Variants in AGMO observed in about 807,000 individuals in gnomAD.
AGMO encodes alkylglycerol monooxygenase, also known as glyceryl-ether monooxygenase.
In AGMO, 75 loss-of-function variants were observed where a neutral mutation model predicts 60.2. The ratio of observed to expected loss-of-function variants is 1.25; its 90% confidence interval spans 1.03 to 1.51. The LOEUF (loss-of-function observed/expected upper bound fraction) is 1.51, where lower values mean the gene tolerates loss of function less well. Ranked by LOEUF, AGMO falls within the 40% of genes most tolerant of loss-of-function variation. The pLI is 0.00. For missense variants in AGMO, 763 were observed against 525.5 expected (o/e 1.45, Z -4.42); for synonymous variants, 261 against 177.1 (o/e 1.47, Z -3.76).
At chr7:15,158,015 A>C in the AGMO span, among the ~76,000 whole-genome samples, 1 of 152,202 alleles carries the variant, frequency 6.6e-6, no homozygotes, top group African/African-American at 2.4e-5. Flanking sequence ...TCTAGGCACT[A>C]TTATATTCAA....
intron 10 of AGMO, among the ~76,000 whole-genome samples, chr7:15,382,137 CA>C (rs1562474000): frequency 6.6e-6 from 1 of 152,062 alleles, no homozygotes; most frequent in Non-Finnish European, 1.5e-5. Context: ...ACCTATGTAA[CA>C]AAACTGCACA....
intron 12 of AGMO, among the ~76,000 whole-genome samples, chr7:15,259,322 A>T (rs552858110): frequency 6.6e-6 from 1 of 152,120 alleles, no homozygotes; most frequent in South Asian, 2.1e-4. Context: ...GAGCTTGAAG[A>T]CAAGGCTTTT....
chr7:15,509,825 C>A (rs1202691192), intron 3 of AGMO, among the ~76,000 whole-genome samples: 1 of 151,958 alleles, frequency 6.6e-6, no homozygotes, highest in Admixed American at 6.6e-5. Context: ...CTCAACATTA[C>A]TAATCATCAG....
chr7:15,337,810 C>T (rs1781710877), intron 12 of AGMO, among the ~76,000 whole-genome samples: 1 of 152,214 alleles, frequency 6.6e-6, no homozygotes, highest in South Asian at 2.1e-4. Context: ...AGATTGCTAA[C>T]GCTTTTAACC....
intron 12 of AGMO, among the ~76,000 whole-genome samples, chr7:15,335,897 T>A (rs936986208): frequency 1.3e-5 from 2 of 152,248 alleles, no homozygotes; most frequent in Non-Finnish European, 1.5e-5. Flanking sequence ...CTAAACCAAA[T>A]GTAGGGATTT....
chr7:15,169,738 C>T, the AGMO span, among the ~76,000 whole-genome samples: 60,046 of 152,054 alleles, frequency 0.39, 12,657 homozygotes, highest in East Asian at 0.71. Context: ...CACTGGCCAA[C>T]TGGTGTCTTT....
intron 3 of AGMO, among the ~76,000 whole-genome samples, chr7:15,438,442 T>C (rs954432974): frequency 2.6e-5 from 4 of 152,216 alleles, no homozygotes; most frequent in African/African-American, 9.6e-5. Context: ...ATTTAATAAC[T>C]TACATAAAGT....
chr7:15,197,898 CAG>C (rs1291084414), downstream of AGMO, among the ~76,000 whole-genome samples: 2 of 152,094 alleles, frequency 1.3e-5, no homozygotes, highest in East Asian at 1.9e-4. Context: ...TGTTCGACTT[CAG>C]AGAGTTTAAA....
chr7:15,150,577 T>C, the AGMO span, among the ~76,000 whole-genome samples: 39 of 152,288 alleles, frequency 2.6e-4, no homozygotes, highest in East Asian at 7.2e-3. Context: ...TTTTTGTTTT[T>C]AGCTCTGCTT....
At chr7:15,510,122 T>G (rs1474382124) in intron 3 of AGMO, among the ~76,000 whole-genome samples, 3 of 152,146 alleles carry the variant, frequency 2.0e-5, no homozygotes, top group Admixed American at 2.0e-4. Context: ...CCATGTTAAT[T>G]GCAGCATTAT....
the AGMO span, among the ~76,000 whole-genome samples, chr7:15,176,787 A>T: frequency 4.6e-5 from 7 of 152,122 alleles, no homozygotes; most frequent in Admixed American, 4.6e-4. Flanking sequence ...TATTTGTCTT[A>T]AAACTGAATA....
chr7:15,423,238 T>C (rs751189265), intron 4 of AGMO, among the ~76,000 whole-genome samples: 11 of 152,172 alleles, frequency 7.2e-5, no homozygotes, highest in Non-Finnish European at 1.6e-4. Flanking sequence ...GATTGAAGAA[T>C]CAAATAGCAT....
intron 12 of AGMO, among the ~76,000 whole-genome samples, chr7:15,298,701 C>G (rs1784472243): frequency 6.6e-6 from 1 of 152,110 alleles, no homozygotes; most frequent in Non-Finnish European, 1.5e-5. Flanking sequence ...CACACTCAGT[C>G]TATGTTTTTC....
Position 15,337,505 on chromosome 7 carries a change from T to G in AGMO, c.1263+28009A>C, listed in dbSNP as rs1440381450. ...CAGCTATTTATCTCTGCCTTGCCAGTGATCTTCCCAGCTGAGAAAAGGATT... is the reference window on the plus strand; with the variant it reads ...CAGCTATTTATCTCTGCCTTGCCAGGGATCTTCCCAGCTGAGAAAAGGATT... On this transcript the variant is annotated intron_variant, in intron 12 of 12. Coordinates refer to ENST00000342526, the MANE Select transcript of AGMO (RefSeq NM_001004320.2). Among the ~76,000 whole-genome samples, 27 of 152,030 alleles carry G rather than the reference T, an allele frequency of 1.8e-4. 1 individual carries two copies. Among genetic ancestry groups the G allele is most frequent in the Admixed American group, 1.8e-3 (27 of 15,244 alleles).
At chr7:15,168,424 C>T in the AGMO span, among the ~76,000 whole-genome samples, 1 of 152,122 alleles carries the variant, frequency 6.6e-6, no homozygotes, top group Non-Finnish European at 1.5e-5. Flanking sequence ...TTCATGAGGC[C>T]CTAAGCTCAC....
chr7:15,394,864 G>A (rs1784306178), intron 5 of AGMO, among the ~76,000 whole-genome samples: 2 of 152,094 alleles, frequency 1.3e-5, no homozygotes, highest in South Asian at 4.1e-4. Flanking sequence ...ACAATTCGAA[G>A]TCAAATATAT....
chr7:15,385,347 C>T (rs1223080946), intron 10 of AGMO, 99 bp downstream of exon 10: 1 of 799,178 alleles, frequency 1.3e-6, no homozygotes, highest in Non-Finnish European at 2.0e-6. Context: ...CAGACCACTA[C>T]AGAGAATATA....
chr7:15,456,898 T>C (rs1268172583), intron 3 of AGMO, among the ~76,000 whole-genome samples: 1 of 152,128 alleles, frequency 6.6e-6, no homozygotes, highest in Non-Finnish European at 1.5e-5. Flanking sequence ...TTGCTCAATG[T>C]TGTTGGGGGT....
At chr7:15,385,269 C>G (rs930505739) in intron 10 of AGMO, among the ~76,000 whole-genome samples, 177 bp downstream of exon 10, 1 of 152,170 alleles carries the variant, frequency 6.6e-6, no homozygotes. Context: ...AGAATTCATT[C>G]ATTTACATTT....
Sources: allele counts gnomAD v4.1 joint callset (sites outside exome capture counted in the v4.1 genomes callset), GRCh38; gene constraint gnomAD v4.1.1; transcripts MANE v1.5; gene names NCBI Gene and HGNC (gene_info 2026-07-23, HGNC 2026-07-21).